The following PUDP variants were observed in gnomAD, a reference collection of about 807,000 sequenced individuals.
PUDP encodes pseudouridine 5'-phosphatase, also known as pseudouridine-5'-phosphatase.
Under a neutral mutation model 9.4 loss-of-function variants are expected in PUDP, and 8 were observed. The ratio of observed to expected loss-of-function variants is 0.85; its 90% CI spans 0.50 to 1.53. The LOEUF (loss-of-function observed/expected upper bound fraction) is 1.53, where lower values mean the gene tolerates loss of function less well. Ranked by LOEUF, PUDP falls within the 40% of genes most tolerant of loss-of-function variation. The pLI is 0.00. For synonymous variants in PUDP, 99 were observed against 80.7 expected (o/e 1.23, Z -1.22); for missense variants, 188 against 189.7 (o/e 0.99, Z 0.05).
chrX:6,931,889 A>T (rs753262340), intron 3 of PUDP, among the ~76,000 whole-genome samples: 1 of 111,548 alleles, frequency 9.0e-6, no homozygotes, highest in East Asian at 2.9e-4. Flanking sequence ...ACAACAAAAG[A>T]CTTCACTATT....
intron 3 of PUDP, among the ~76,000 whole-genome samples, chrX:6,839,489 A>G (rs1216679487): frequency 1.8e-5 from 2 of 111,961 alleles, no homozygotes; most frequent in Non-Finnish European, 3.8e-5. Context: ...TCCCCCGACC[A>G]TGATAAATTT....
chrX:6,807,279 G>A (rs905717685), intron 3 of PUDP, among the ~76,000 whole-genome samples: 1 of 111,828 alleles, frequency 8.9e-6, no homozygotes, highest in African/African-American at 3.3e-5. Flanking sequence ...GATATCCAGG[G>A]ACCTGCACAG....
At chrX:6,857,410 T>C (rs899783157) in intron 3 of PUDP, among the ~76,000 whole-genome samples, 7 of 112,508 alleles carry the variant, frequency 6.2e-5, no homozygotes, top group African/African-American at 2.3e-4. Flanking sequence ...CTGTTAAATA[T>C]GTTTCAAATT....
intron 3 of PUDP, among the ~76,000 whole-genome samples, chrX:6,873,610 T>A (rs996352860): frequency 1.8e-5 from 2 of 112,008 alleles, no homozygotes; most frequent in Non-Finnish European, 3.8e-5. Context: ...TCATATCCTA[T>A]GTACTTTAAA....
At chrX:7,128,201 C>G (rs1042411594) in intron 1 of PUDP, among the ~76,000 whole-genome samples, 2 of 110,539 alleles carry the variant, frequency 1.8e-5, no homozygotes, top group African/African-American at 6.6e-5. Flanking sequence ...ACCACCACAC[C>G]CAGCTGATTT....
intron 1 of PUDP, among the ~76,000 whole-genome samples, chrX:6,714,600 G>C (rs762986230): frequency 9.0e-5 from 10 of 111,226 alleles, no homozygotes; most frequent in African/African-American, 3.3e-4. Context: ...AGATATGATA[G>C]ATAGATACAT....
rs760406541 is a variant in PUDP at position 6,914,402 on chromosome X, G to A, written c.*247+62731C>T. The stretch of plus-strand genomic sequence containing the variant: ...CCTTTGACAAGGATGAAATAGATTC[G>A]CCCTGGGAAGTGCTTCATTTCCTTT... On this transcript the variant is annotated intron_variant and NMD_transcript_variant, in intron 3 of 3. Transcript: ENST00000655425. 8.1e-4 allele frequency among the ~76,000 whole-genome samples: 90 copies of A among 111,308 alleles called. 1 individual carries two copies. Among genetic ancestry groups the A allele is most frequent in the African/African-American group, 2.8e-3 (85 of 30,665 alleles).
chrX:7,134,130 CAGTA>C (rs767724204), intron 1 of PUDP, among the ~76,000 whole-genome samples: 1 of 112,208 alleles, frequency 8.9e-6, no homozygotes, highest in Non-Finnish European at 1.9e-5. Context: ...TAAATCAGTA[CAGTA>C]AGTAAGTTGT....
chrX:6,776,634 A>T (rs749072088), intron 3 of PUDP, among the ~76,000 whole-genome samples: 1 of 112,193 alleles, frequency 8.9e-6, no homozygotes, highest in South Asian at 3.7e-4. Flanking sequence ...TATTTTATCA[A>T]GCCCTCCAGG....
intron 3 of PUDP, among the ~76,000 whole-genome samples, chrX:6,770,463 C>T (rs1021515121): frequency 1.8e-5 from 2 of 112,318 alleles, no homozygotes; most frequent in South Asian, 7.4e-4. Context: ...GGGATGGAGC[C>T]AGAAGCCTTG....
intron 1 of PUDP, among the ~76,000 whole-genome samples, chrX:7,022,109 T>TG (rs1444072911): frequency 1.8e-5 from 2 of 111,002 alleles, no homozygotes; most frequent in Non-Finnish European, 1.9e-5. Flanking sequence ...CTGCTGGTAC[T>TG]GAGATAAAGG....
rs772620249 is a variant in PUDP at position 7,105,405 on chromosome X, C to T, written c.280+215G>A. ...GGAACCCAGAAATCACTGAAACTAA[C>T]GCATATTATTTTAAGAAGCTTTTAA... is the stretch of plus-strand genomic sequence containing the variant. On this transcript the variant is annotated intron_variant, in intron 2 of 3. Coordinates refer to ENST00000381077, the MANE Select transcript of PUDP (RefSeq NM_012080.5). 4.5e-4 allele frequency among the ~76,000 whole-genome samples: 50 copies of T among 111,113 alleles called. No homozygotes were observed. In the South Asian group the frequency reaches 0.012, roughly 27 times the overall value.
intron 3 of PUDP, among the ~76,000 whole-genome samples, chrX:7,054,933 T>C (rs996994222): frequency 5.4e-5 from 6 of 111,283 alleles, no homozygotes; most frequent in Non-Finnish European, 1.9e-5. Flanking sequence ...CAGAAGTGAG[T>C]GGTTTACAGG....
At chrX:6,810,128 G>A (rs937712016) in intron 3 of PUDP, among the ~76,000 whole-genome samples, 1 of 110,387 alleles carries the variant, frequency 9.1e-6, no homozygotes, top group African/African-American at 3.3e-5. Context: ...ATGTTCCTAA[G>A]AGAAAATGCA....
At chrX:6,919,914 A>G (rs6639711) in intron 3 of PUDP, among the ~76,000 whole-genome samples, 20,464 of 98,416 alleles carry the variant, frequency 0.21, 1,924 homozygotes, top group Admixed American at 0.34. Context: ...CTGGAAACCA[A>G]TGGATCGTGC....
Position 7,077,336 on chromosome X carries a change from TGAA to T in PUDP, c.391_393del (p.Phe131del). 9 of 1,211,098 alleles carry T rather than the reference TGAA, an allele frequency of 7.4e-6. No individual in the cohort carries two copies. The highest frequency in any genetic ancestry group is 1.0e-5 in the Non-Finnish European group (9 of 895,129). On this transcript the variant is annotated inframe_deletion, in exon 3 of 4. Transcript: ENST00000381077. ...CCCAGCACAATGTGGGAAAACAAGC[TGAA>T]GAACTCCTTGTGGCGGCTTGTCTTC...
intron 3 of PUDP, among the ~76,000 whole-genome samples, chrX:7,055,224 A>C (rs1364078291): frequency 9.0e-6 from 1 of 111,272 alleles, no homozygotes; most frequent in Non-Finnish European, 1.9e-5. Context: ...CCTATTAAAA[A>C]TGTCCCAAAA....
At chrX:7,111,587 T>C (rs1338177682) in intron 1 of PUDP, among the ~76,000 whole-genome samples, 2 of 111,142 alleles carry the variant, frequency 1.8e-5, no homozygotes, top group Non-Finnish European at 3.8e-5. Context: ...CTGGTGGTCT[T>C]TCGGGAAACC....
intron 3 of PUDP, among the ~76,000 whole-genome samples, chrX:6,923,667 T>C (rs1928057709): frequency 9.0e-6 from 1 of 111,363 alleles, no homozygotes; most frequent in Admixed American, 9.6e-5. Flanking sequence ...CATGGCTTCC[T>C]TGAATTATTG....
Sources: allele counts gnomAD v4.1 joint callset (sites outside exome capture counted in the v4.1 genomes callset), GRCh38; gene constraint gnomAD v4.1.1; transcripts MANE v1.5; gene names NCBI Gene and HGNC (gene_info 2026-07-23, HGNC 2026-07-21).